The following ADRA1A variants were observed in gnomAD, a reference collection of about 807,000 sequenced individuals.
ADRA1A encodes the protein alpha-1A adrenergic receptor.
In ADRA1A, 31 loss-of-function variants were observed where a neutral mutation model predicts 29.6. The observed-to-expected ratio is 1.05, with a 90% CI of 0.79 to 1.41. ADRA1A has a LOEUF of 1.41. Ranked by LOEUF, ADRA1A falls within the 40% of genes most tolerant of loss-of-function variation. ADRA1A has a pLI of 0.00. For synonymous variants in ADRA1A, 311 were observed against 254.3 expected (o/e 1.22, Z -2.12); for missense variants, 619 against 601.1 (o/e 1.03, Z -0.31).
chr8:26,773,271 G>A (rs1292826468), intron 2 of ADRA1A, among the ~76,000 whole-genome samples: 1 of 152,220 alleles, frequency 6.6e-6, no homozygotes, highest in Non-Finnish European at 1.5e-5. Flanking sequence ...GATAAAGTGT[G>A]CAGCTGGGGG....
Position 26,796,186 on chromosome 8 carries a change from C to T in ADRA1A, c.884-25520G>A, listed in dbSNP as rs990668140. 6.6e-5 allele frequency among the ~76,000 whole-genome samples: 10 copies of T among 151,934 alleles called. No homozygotes were observed. Among genetic ancestry groups the T allele is most frequent in the African/African-American group, 2.4e-4 (10 of 41,346 alleles). ...AGAAATCTGAATAAAATAAAACTGC[C>T]TATGAATTAGTTTACAATTATTAAA... On this transcript the variant is annotated intron_variant, in intron 2 of 2. Transcript: ENST00000380573. This position sits in a 1 kb window ranked among gnomAD's most constrained non-coding sequence, Gnocchi z 5.0.
In ADRA1A at chr8:26,864,831, C is replaced by T. The variant is rs1243477642; in HGVS notation, c.139G>A (p.Val47Met). ...ILFGVLGNIL[V>M]ILSVACHRHL... ...CGGTGACAGGCTACGGAGAGGATCA[C>T]TAGGATGTTACCCAGCACCCCGAAA... The change falls in exon 2 of 3, where the codon GTG becomes ATG. Residue 47 changes from valine to methionine, a missense_variant. Transcript: ENST00000380573. The surrounding 1 kb of genome is among the most constrained non-coding windows in gnomAD (Gnocchi z 8.1). 2 of 1,614,020 alleles carry T rather than the reference C, an allele frequency of 1.2e-6. No homozygotes were observed. The highest frequency in any genetic ancestry group is 3.3e-5 in the Admixed American group (2 of 60,008).
chr8:26,841,319 G>A lies in ADRA1A; in HGVS notation c.883+22768C>T, dbSNP rs1811800960. Among the ~76,000 whole-genome samples the A allele has an allele frequency of 6.6e-6, 1 of 152,082 alleles. No individual in the cohort carries two copies. Among genetic ancestry groups the A allele is most frequent in the African/African-American group, 2.4e-5 (1 of 41,388 alleles). ...AATCTCAGAGGACCACAGTCTCAAG[G>A]CCACCTACAGTTTCCTTTACCACCC... On this transcript the variant is annotated intron_variant, in intron 2 of 2. Coordinates refer to ENST00000380573, the MANE Select transcript of ADRA1A (RefSeq NM_000680.4). This position sits in a 1 kb window ranked among gnomAD's most constrained non-coding sequence, Gnocchi z 4.4.
intron 2 of ADRA1A, among the ~76,000 whole-genome samples, chr8:26,760,454 C>T (rs1805446952): frequency 6.6e-6 from 1 of 152,222 alleles, no homozygotes; most frequent in Admixed American, 6.5e-5. Context: ...GTGCAGCTTC[C>T]TTTCCTCTTT....
chr8:26,748,707 C>T (rs1456160513), exon 3 of ADRA1A: 4 of 368,950 alleles, frequency 1.1e-5, no homozygotes, highest in East Asian at 2.0e-4. Context: ...GAGCCAAGAT[C>T]ATGCCACTGC....
Position 26,794,759 on chromosome 8 carries a change from C to A in ADRA1A, c.884-24093G>T, listed in dbSNP as rs562061934. On this transcript the variant is annotated intron_variant, in intron 2 of 2. Coordinates refer to ENST00000380573, the MANE Select transcript of ADRA1A (RefSeq NM_000680.4). The stretch of plus-strand genomic sequence containing the variant: ...AGCTAACATCTAAGGTAGGATTTAT[C>A]CCTCACTTTAAAGGGAATTAAGAAC... Among the ~76,000 whole-genome samples the A allele has an allele frequency of 3.3e-5, 5 of 152,114 alleles. No individual in the cohort carries two copies. The South Asian group carries it at 1.0e-3, about 32-fold the overall frequency.
At chr8:26,776,550 G>A (rs993279837) in intron 2 of ADRA1A, among the ~76,000 whole-genome samples, 8 of 152,150 alleles carry the variant, frequency 5.3e-5, no homozygotes, top group Non-Finnish European at 8.8e-5. Flanking sequence ...AAATCACACA[G>A]CTGGACCCAA....
chr8:26,751,177 AC>A (rs1239295013), intron 2 of ADRA1A, among the ~76,000 whole-genome samples: 1 of 152,154 alleles, frequency 6.6e-6, no homozygotes, highest in Non-Finnish European at 1.5e-5. Flanking sequence ...GGATTCAGAA[AC>A]CCAGAGCCCA....
In ADRA1A at chr8:26,769,273, T is replaced by C; in HGVS notation, c.*876A>G. 2.0e-6 allele frequency: 2 copies of C among 985,452 alleles called. No homozygotes were observed. Among genetic ancestry groups the C allele is most frequent in the Non-Finnish European group, 2.4e-6 (2 of 829,934 alleles). The allele number at this position is 985,452 out of a possible 1,614,324, so 61.0% of individuals were successfully genotyped here. A position where few individuals can be genotyped will look rare whatever the true frequency, so the allele number is the denominator to read the frequency against. On this transcript the variant is annotated 3_prime_UTR_variant, in exon 3 of 3. Transcript: ENST00000380573. ...GCAGTAAGTGAACAGCCTCTATCTT[T>C]GCAAGAAATTAACAGCCACACCAAC...
intron 2 of ADRA1A, among the ~76,000 whole-genome samples, chr8:26,812,331 C>T (rs183575736): frequency 2.6e-5 from 4 of 152,142 alleles, no homozygotes; most frequent in African/African-American, 9.7e-5. Context: ...CTCATAACCA[C>T]TCAGAAAATT....
intron 2 of ADRA1A, among the ~76,000 whole-genome samples, chr8:26,804,805 T>C (rs1808848956): frequency 6.6e-6 from 1 of 152,172 alleles, no homozygotes; most frequent in Non-Finnish European, 1.5e-5. Context: ...GCAAATGAGA[T>C]GGTGTGTGAA....
chr8:26,761,019 C>G (rs537493929), downstream of ADRA1A, among the ~76,000 whole-genome samples: 1 of 152,314 alleles, frequency 6.6e-6, no homozygotes, highest in East Asian at 1.9e-4. Flanking sequence ...CTCTCCATGC[C>G]TGCTTAGGGG....
downstream of ADRA1A, among the ~76,000 whole-genome samples, chr8:26,754,481 A>G (rs1189698113): frequency 6.6e-6 from 1 of 152,146 alleles, no homozygotes; most frequent in African/African-American, 2.4e-5. Context: ...TGCACCTTAC[A>G]TGGAATCTTA....
rs560253647 is a variant in ADRA1A, at chr8:26,777,710, G to T, written c.884-7044C>A. ...AGTGGTTGGTAAAGTGAGGAAGGTG[G>T]CACTGAGCAGGAATGGAATTAGCTC... On this transcript the variant is annotated intron_variant, in intron 2 of 2. Transcript: ENST00000380573. Among the ~76,000 whole-genome samples, 294 of 152,310 alleles carry T rather than the reference G, an allele frequency of 1.9e-3. 2 individuals carry two copies. Among genetic ancestry groups the T allele is most frequent in the African/African-American group, 6.8e-3 (284 of 41,574 alleles).
intron 2 of ADRA1A, among the ~76,000 whole-genome samples, chr8:26,780,462 A>T (rs1806889537): frequency 1.3e-5 from 2 of 151,086 alleles, no homozygotes; most frequent in South Asian, 4.2e-4. Flanking sequence ...TCACTCAGTG[A>T]CCTCTCTCCC....
chr8:26,777,215 T>G (rs1353334524), intron 2 of ADRA1A, among the ~76,000 whole-genome samples: 1 of 152,218 alleles, frequency 6.6e-6, no homozygotes, highest in African/African-American at 2.4e-5. Flanking sequence ...CTACCTTAGA[T>G]GGTGACCAGG....
intron 2 of ADRA1A, among the ~76,000 whole-genome samples, chr8:26,750,670 GA>G (rs1804882901): frequency 6.6e-6 from 1 of 152,240 alleles, no homozygotes; most frequent in African/African-American, 2.4e-5. Context: ...CTCAAACCTG[GA>G]TATTTTAGAT....
chr8:26,855,996 C>G (rs1041377631), intron 2 of ADRA1A, among the ~76,000 whole-genome samples: 6 of 151,878 alleles, frequency 4.0e-5, no homozygotes, highest in African/African-American at 1.5e-4. Context: ...ACTCACTTGT[C>G]TATAGCCTGA....
At chr8:26,857,669 T>TAAATAAATA (rs1563313489) in intron 2 of ADRA1A, among the ~76,000 whole-genome samples, 1 of 152,040 alleles carries the variant, frequency 6.6e-6, no homozygotes, top group Non-Finnish European at 1.5e-5. Flanking sequence ...ATTAAATAAA[T>TAAATAAATA]AAATAAAATA....
Sources: allele counts gnomAD v4.1 joint callset (sites outside exome capture counted in the v4.1 genomes callset), GRCh38; gene constraint gnomAD v4.1.1; non-coding constraint Gnocchi (gnomAD v3.1); transcripts MANE v1.5; gene names NCBI Gene and HGNC (gene_info 2026-07-23, HGNC 2026-07-21).